Variants in FRAS1 observed in about 807,000 individuals in gnomAD.
FRAS1 encodes the protein Fraser extracellular matrix complex subunit 1, also known as extracellular matrix organizing protein FRAS1.
FRAS1 carries 290 observed loss-of-function variants against 435.2 expected under a neutral mutation model. That is an observed-to-expected ratio of 0.67 (90% confidence interval 0.61 to 0.73). The LOEUF (loss-of-function observed/expected upper bound fraction) is 0.73. FRAS1 is among the 30% of genes least tolerant of loss of function. The pLI is 0.00. For missense variants in FRAS1, 4,860 were observed against 5,001.5 expected, an observed-to-expected ratio of 0.97 and a Z score of 0.85; for synonymous variants, 1,800 against 1,851.0, an observed-to-expected ratio of 0.97 and a Z score of 0.71.
intron 18 of FRAS1, among the ~76,000 whole-genome samples, chr4:78,329,771 A>G (rs1729869633): frequency 6.6e-6 from 1 of 152,336 alleles, no homozygotes; most frequent in South Asian, 2.1e-4. Context: ...CATTGGACAT[A>G]ACTAAATTAA....
At chr4:78,151,628 A>G (rs1396508961) in intron 2 of FRAS1, among the ~76,000 whole-genome samples, 1 of 152,196 alleles carries the variant, frequency 6.6e-6, no homozygotes, top group Non-Finnish European at 1.5e-5. Context: ...TGAGTATAAG[A>G]TAGTAACACA....
intron 2 of FRAS1, among the ~76,000 whole-genome samples, chr4:78,195,545 C>T (rs1347211210): frequency 1.3e-5 from 2 of 152,248 alleles, no homozygotes; most frequent in Admixed American, 1.3e-4. Context: ...ATGAGCAAGG[C>T]TCTGTGGGCG....
intron 13 of FRAS1, among the ~76,000 whole-genome samples, chr4:78,285,524 C>T (rs140107961): frequency 0.027 from 4,007 of 151,102 alleles, 186 homozygotes; most frequent in African/African-American, 0.09. Context: ...TTCCACCTCC[C>T]GGGTTCAAGC....
chr4:78,208,103 C>T lies in FRAS1; in HGVS notation c.109-29407C>T, dbSNP rs543930130. Reference sequence around the variant, plus strand: ...TATCCACAGCTGAGAGACCTACAGACGGTTCATATCACAGGATTCTGTGCA... The same window carrying T: ...TATCCACAGCTGAGAGACCTACAGATGGTTCATATCACAGGATTCTGTGCA... On this transcript the variant is annotated intron_variant, in intron 2 of 73. Transcript: ENST00000512123. Among the ~76,000 whole-genome samples the T allele has an allele frequency of 4.6e-5, 7 of 152,280 alleles. No homozygotes were observed. In the South Asian group the frequency reaches 6.2e-4, roughly 14 times the overall value.
intron 38 of FRAS1, among the ~76,000 whole-genome samples, chr4:78,436,936 A>T (rs1413011203): frequency 6.6e-6 from 1 of 152,212 alleles, no homozygotes; most frequent in East Asian, 1.9e-4. Context: ...TGATGTAAAA[A>T]TAATGAAAAG....
At chr4:78,429,602 AAGAAGCTTC>A (rs1734133081) in intron 36 of FRAS1, among the ~76,000 whole-genome samples, 1 of 152,220 alleles carries the variant, frequency 6.6e-6, no homozygotes, top group Admixed American at 6.5e-5. Context: ...GTCAGGTCAC[AAGAAGCTTC>A]AGAAGTTGTG....
chr4:78,149,791 TG>T (rs1247230870), intron 2 of FRAS1, among the ~76,000 whole-genome samples: 1 of 152,192 alleles, frequency 6.6e-6, no homozygotes, highest in African/African-American at 2.4e-5. Context: ...TGATGTTGCC[TG>T]GAGGAGGCTC....
At position 78,190,362 on chromosome 4, in the gene FRAS1, T is replaced by C. The variant is rs1405688783; in HGVS notation, c.109-47148T>C. Among the ~76,000 whole-genome samples the C allele has an allele frequency of 2.6e-5, 4 of 152,038 alleles. No homozygotes were observed. In the East Asian group the frequency reaches 7.7e-4, roughly 29 times the overall value. ...TCCTTCTTCAGATCTCATTGTAAAA[T>C]CACTTCCTCAGAGAGGCCTTCCCTG... On this transcript the variant is annotated intron_variant, in intron 2 of 73. Transcript: ENST00000512123.
chr4:78,247,573 T>C (rs143295701), intron 4 of FRAS1, among the ~76,000 whole-genome samples: 190 of 152,298 alleles, frequency 1.2e-3, no homozygotes, highest in African/African-American at 4.3e-3. Flanking sequence ...AAACACTCCT[T>C]AGTGCATTAA....
At chr4:78,278,765 C>T (rs115606681) in intron 10 of FRAS1, 21 bp downstream of exon 10, 48 of 1,342,450 alleles carry the variant, frequency 3.6e-5, no homozygotes, top group African/African-American at 7.2e-5. Context: ...GGCTTATAAC[C>T]GAAGATGATT....
rs1170031013 is a variant in FRAS1 at position 78,170,900 on chromosome 4, C to T, written c.109-66610C>T. ...ATTCCTTTCTCAGGCCACCTCCCTCCTCTCTCATGAGGAGCTGCTCTTTTT... is the reference window on the plus strand; with the variant it reads ...ATTCCTTTCTCAGGCCACCTCCCTCTTCTCTCATGAGGAGCTGCTCTTTTT... On this transcript the variant is annotated intron_variant, in intron 2 of 73. Coordinates refer to ENST00000512123, the MANE Select transcript of FRAS1 (RefSeq NM_025074.7). Among the ~76,000 whole-genome samples the T allele has an allele frequency of 2.0e-5, 3 of 152,192 alleles. No homozygotes were observed. In the South Asian group the frequency reaches 6.2e-4, roughly 32 times the overall value.
rs539232074 is a variant in FRAS1, at chr4:78,151,354, G to C, written c.108+85338G>C. On this transcript the variant is annotated intron_variant, in intron 2 of 73. Coordinates refer to ENST00000512123, the MANE Select transcript of FRAS1 (RefSeq NM_025074.7). ...AATGTTTATTAAGCATCTACCATGT[G>C]CCAGTCATGGTTCTTGGTCATTGAG... Among the ~76,000 whole-genome samples, 162 of 141,438 alleles carry C rather than the reference G, an allele frequency of 1.1e-3. 2 individuals are homozygous for C. The highest frequency in any genetic ancestry group is 2.1e-3 in the Non-Finnish European group (144 of 67,932). The allele number at this position is 141,438 out of a possible 152,430, so 92.8% of individuals were successfully genotyped here.
At chr4:78,144,544 A>C (rs1274573860) in intron 2 of FRAS1, among the ~76,000 whole-genome samples, 2 of 152,042 alleles carry the variant, frequency 1.3e-5, no homozygotes, top group Non-Finnish European at 2.9e-5. Flanking sequence ...GTATTTGTTT[A>C]CATTTTTTAT....
intron 28 of FRAS1, among the ~76,000 whole-genome samples, chr4:78,387,073 A>C (rs930356137): frequency 2.0e-5 from 3 of 152,164 alleles, no homozygotes; most frequent in Admixed American, 6.5e-5. Context: ...TTTTGGGATA[A>C]ATTTAAGTCA....
At chr4:78,327,364 G>T (rs555705538) in intron 18 of FRAS1, among the ~76,000 whole-genome samples, 2 of 152,284 alleles carry the variant, frequency 1.3e-5, no homozygotes, top group Non-Finnish European at 2.9e-5. Context: ...CTCAAAATTT[G>T]TTTTTGACAT....
At chr4:78,356,314 A>G (rs1333658409) in intron 20 of FRAS1, among the ~76,000 whole-genome samples, 1 of 152,050 alleles carries the variant, frequency 6.6e-6, no homozygotes, top group African/African-American at 2.4e-5. Context: ...CAAATTCTCC[A>G]TGATTTCCTA....
At chr4:78,435,485 T>A in intron 38 of FRAS1, among the ~76,000 whole-genome samples, 1 of 152,112 alleles carries the variant, frequency 6.6e-6, no homozygotes, top group South Asian at 2.1e-4. Context: ...ATGCCTGTAA[T>A]CCCAGCACTT....
In FRAS1 at chr4:78,284,428, A is replaced by G; in HGVS notation, c.1279A>G (p.Thr427Ala). ...AGTTCATTGCCATCCAGATTGTTTGACATGCTCTCAGTCTCCAGACCACTG... is the reference window on the plus strand; with the variant it reads ...AGTTCATTGCCATCCAGATTGTTTGGCATGCTCTCAGTCTCCAGACCACTG... ...TSVHCHPDCL[T>A]CSQSPDHCDL... Residue 427 changes from threonine (T) to alanine (A), a missense_variant, in exon 13 of 74, where the codon ACA becomes GCA. Thr to Ala is a moderately conservative substitution (Grantham distance 58, BLOSUM62 0). Transcript: ENST00000512123. 6.2e-7 allele frequency: 1 copy of G among 1,613,766 alleles called. No individual in the cohort carries two copies. The highest frequency in any genetic ancestry group is 1.1e-5 in the South Asian group (1 of 91,040).
intron 59 of FRAS1, among the ~76,000 whole-genome samples, chr4:78,489,815 C>A (rs924296243): frequency 6.6e-6 from 1 of 151,964 alleles, no homozygotes; most frequent in Non-Finnish European, 1.5e-5. Flanking sequence ...CCGTCTAATA[C>A]CTGCACCCCT....
Sources: gnomAD v4.1 joint callset for allele counts (sites outside exome capture counted in the v4.1 genomes callset) on GRCh38, gnomAD v4.1.1 for gene constraint, MANE v1.5 for transcripts, NCBI Gene and HGNC (gene_info 2026-07-23, HGNC 2026-07-21) for gene names.